Variants in CNTN4 observed in about 807,000 individuals in gnomAD.
CNTN4 encodes the protein contactin-4.
Under a neutral mutation model 122.5 loss-of-function variants are expected in CNTN4, and 77 were observed. The observed-to-expected ratio is 0.63, with a 90% CI of 0.52 to 0.76. The LOEUF (loss-of-function observed/expected upper bound fraction) is 0.76. CNTN4 is among the 30% of genes least tolerant of loss of function. The pLI is 0.00. For synonymous variants in CNTN4, 512 were observed against 447.0 expected (o/e 1.15, Z -1.83); for missense variants, 1,256 against 1,259.1 (o/e 1.00, Z 0.04).
chr3:2,204,465 C>T lies in CNTN4; in HGVS notation c.-145+103826C>T, dbSNP rs545834733. On this transcript the variant is annotated intron_variant, in intron 2 of 24. Transcript: ENST00000418658. ...TTGTAGGAATTGTTCACAGATTCTT[C>T]TTGAAGTTTTGCACTTTTGTGTATC... 2.5e-4 allele frequency among the ~76,000 whole-genome samples: 38 copies of T among 152,256 alleles called. 1 individual carries two copies. In the South Asian group the frequency reaches 7.9e-3, roughly 32 times the overall value.
chr3:2,120,406 T>TAAATATATA (rs1491534107), intron 2 of CNTN4, among the ~76,000 whole-genome samples: 1 of 24,574 alleles, frequency 4.1e-5, no homozygotes, highest in African/African-American at 1.3e-4. Flanking sequence ...TATATATATA[T>TAAATATATA]TTTTTTTTTT....
intron 4 of CNTN4, among the ~76,000 whole-genome samples, chr3:2,610,856 C>T (rs2081451811): frequency 6.6e-6 from 1 of 152,022 alleles, no homozygotes; most frequent in South Asian, 2.1e-4. Context: ...CACAGTTTTC[C>T]ACTAGTAACT....
chr3:2,151,077 T>G (rs1202341879), intron 2 of CNTN4, among the ~76,000 whole-genome samples: 1 of 152,062 alleles, frequency 6.6e-6, no homozygotes, highest in Admixed American at 6.6e-5. Context: ...GTAATACATT[T>G]TTTTAGACAG....
rs535422482 is a variant in CNTN4 at position 2,777,337 on chromosome 3, A to C, written c.358+31640A>C. 3.9e-5 allele frequency among the ~76,000 whole-genome samples: 6 copies of C among 152,348 alleles called. No individual in the cohort carries two copies. The South Asian group carries it at 1.2e-3, about 32-fold the overall frequency. On this transcript the variant is annotated intron_variant, in intron 6 of 24. Transcript: ENST00000418658. ...CACTAAATTTAGTAAAGAAAGATGG[A>C]AAACAATGAGAGTTACTCTTACCCA... is the stretch of plus-strand genomic sequence containing the variant.
intron 2 of CNTN4, among the ~76,000 whole-genome samples, chr3:2,255,069 G>A (rs1018757394): frequency 1.3e-5 from 2 of 152,178 alleles, no homozygotes; most frequent in African/African-American, 4.8e-5. Flanking sequence ...TGTATAAGGT[G>A]TAAGGAAGGG....
chr3:2,592,890 A>G (rs1576138049), intron 4 of CNTN4, among the ~76,000 whole-genome samples: 2 of 152,242 alleles, frequency 1.3e-5, no homozygotes, highest in African/African-American at 4.8e-5. Flanking sequence ...GTTTTGGTAT[A>G]CAACAAAACA....
At chr3:3,015,236 A>G (rs1167256913) in intron 14 of CNTN4, among the ~76,000 whole-genome samples, 2 of 152,098 alleles carry the variant, frequency 1.3e-5, no homozygotes, top group African/African-American at 4.8e-5. Flanking sequence ...CAACAATTGC[A>G]GGGGACCTAA....
intron 3 of CNTN4, among the ~76,000 whole-genome samples, chr3:2,396,393 A>G (rs2046641800): frequency 6.6e-6 from 1 of 152,144 alleles, no homozygotes; most frequent in South Asian, 2.1e-4. Context: ...CTTCTCAGAA[A>G]TCATGTTAAA....
intron 2 of CNTN4, among the ~76,000 whole-genome samples, chr3:2,168,482 A>T (rs2036298785): frequency 6.6e-6 from 1 of 152,130 alleles, no homozygotes. Flanking sequence ...TAAAAATGTA[A>T]ATGCATCATT....
intron 6 of CNTN4, among the ~76,000 whole-genome samples, chr3:2,809,380 G>C (rs1259961688): frequency 2.0e-5 from 3 of 152,210 alleles, no homozygotes; most frequent in African/African-American, 4.8e-5. Context: ...GACTGGGTTA[G>C]CTGCAAGGTG....
At chr3:2,396,783 T>C (rs912438369) in intron 3 of CNTN4, among the ~76,000 whole-genome samples, 3 of 152,080 alleles carry the variant, frequency 2.0e-5, no homozygotes, top group African/African-American at 7.2e-5. Flanking sequence ...CCATGAATTA[T>C]TAATTATTAG....
At chr3:2,821,232 C>T (rs1235748272) in intron 7 of CNTN4, among the ~76,000 whole-genome samples, 3 of 152,126 alleles carry the variant, frequency 2.0e-5, no homozygotes, top group Admixed American at 6.5e-5. Flanking sequence ...GCTGGGATTA[C>T]AGGCATGAGT....
chr3:2,561,492 G>A (rs916991892), intron 3 of CNTN4, among the ~76,000 whole-genome samples: 3 of 152,082 alleles, frequency 2.0e-5, no homozygotes, highest in African/African-American at 7.2e-5. Context: ...AATCCAAGGG[G>A]TCATGGATTT....
intron 4 of CNTN4, among the ~76,000 whole-genome samples, chr3:2,676,242 C>T (rs1412094755): frequency 6.6e-6 from 1 of 151,304 alleles, no homozygotes; most frequent in Non-Finnish European, 1.5e-5. Context: ...TGGTGGGGGG[C>T]ACAGAGTCTT....
intron 12 of CNTN4, among the ~76,000 whole-genome samples, chr3:2,912,944 G>T (rs2094317005): frequency 6.6e-6 from 1 of 152,218 alleles, no homozygotes; most frequent in Admixed American, 6.5e-5. Flanking sequence ...TTGAGGCCAG[G>T]AGTTTGAGAC....
rs573563528 is a variant in CNTN4, at chr3:2,840,473, G to A, written c.454+20892G>A. ...CCCAGCACTTTGGGAGGCCGAGGCGGGCGGATCACGAGGTCAGGAGATCGA... is the reference window on the plus strand; with the variant it reads ...CCCAGCACTTTGGGAGGCCGAGGCGAGCGGATCACGAGGTCAGGAGATCGA... On this transcript the variant is annotated intron_variant, in intron 7 of 24. Coordinates refer to ENST00000418658, the MANE Select transcript of CNTN4 (RefSeq NM_175607.3). 2.4e-4 allele frequency among the ~76,000 whole-genome samples: 35 copies of A among 148,106 alleles called. No individual in the cohort carries two copies. In the East Asian group the frequency reaches 4.8e-3, roughly 21 times the overall value.
chr3:2,128,628 A>G (rs951985577), intron 2 of CNTN4, among the ~76,000 whole-genome samples: 3 of 152,176 alleles, frequency 2.0e-5, no homozygotes, highest in African/African-American at 7.2e-5. Context: ...TTGGATGATG[A>G]TGGTATCCCA....
intron 2 of CNTN4, among the ~76,000 whole-genome samples, chr3:2,315,133 T>A (rs1365459752): frequency 6.6e-6 from 1 of 151,938 alleles, no homozygotes; most frequent in Non-Finnish European, 1.5e-5. Flanking sequence ...TTCACAGAAT[T>A]AAAAGAATTA....
At chr3:2,837,805 C>T (rs1399237271) in intron 7 of CNTN4, among the ~76,000 whole-genome samples, 1 of 152,176 alleles carries the variant, frequency 6.6e-6, no homozygotes, top group East Asian at 1.9e-4. Flanking sequence ...GGTCCGCAGC[C>T]TGCAAGTGGC....
Sources: allele counts gnomAD v4.1 joint callset (sites outside exome capture counted in the v4.1 genomes callset), GRCh38; gene constraint gnomAD v4.1.1; transcripts MANE v1.5; gene names NCBI Gene and HGNC (gene_info 2026-07-23, HGNC 2026-07-21).